ARID3B: variants seen among roughly 807,000 people sequenced by gnomAD.
ARID3B encodes AT-rich interaction domain 3B.
In ARID3B, 10 loss-of-function variants were observed where a neutral mutation model predicts 51.9. That is an observed-to-expected ratio of 0.19 (90% CI 0.12 to 0.33). The LOEUF is 0.33. Ranked by LOEUF, ARID3B falls within the 10% of genes least tolerant of loss-of-function variation. The pLI, the probability that ARID3B is intolerant of heterozygous loss-of-function variation, is 1.00. For synonymous variants in ARID3B, 205 were observed against 279.5 expected (o/e 0.73, Z 2.66); for missense variants, 483 against 716.3 (o/e 0.67, Z 3.72).
At chr15:74,545,247 A>G (rs567122021) in intron 2 of ARID3B, among the ~76,000 whole-genome samples, 113 of 152,366 alleles carry the variant, frequency 7.4e-4, no homozygotes, top group Non-Finnish European at 1.3e-3. Context: ...AACACAGCTG[A>G]CAAGAAGCAC....
chr15:74,544,419 T>C lies in ARID3B; in HGVS notation c.483T>C (p.Ala161=). The C allele has an allele frequency of 6.2e-7, 1 of 1,614,164 alleles. No individual in the cohort carries two copies. The highest frequency in any genetic ancestry group is 1.3e-5 in the African/African-American group (1 of 75,056). The change falls in exon 2 of 9, where the codon GCT becomes GCC. Residue 161 remains alanine, a synonymous_variant. Transcript: ENST00000346246. ...CTAAAGAAGACCATACCAAAGATGC[T>C]TCCAAGGCCTCACCTTCTGTCTCCA... ...QQAKEDHTKD[A]SKASPSVSTA... is the part of the protein sequence containing the mutation.
chr15:74,561,970 A>AT (rs1426453144), intron 2 of ARID3B, among the ~76,000 whole-genome samples: 1 of 148,942 alleles, frequency 6.7e-6, no homozygotes, highest in Admixed American at 6.8e-5. Flanking sequence ...AGGCTAATAT[A>AT]TGTGTTCTGA....
Position 74,591,928 on chromosome 15 carries a change from C to T in ARID3B, c.1420+114C>T. ...GCACATACTCCTGACCTGGAAGAGGCCCCTCCAGGTTCTGCCTTCCAGGCC... is the reference window on the plus strand; with the variant it reads ...GCACATACTCCTGACCTGGAAGAGGTCCCTCCAGGTTCTGCCTTCCAGGCC... On this transcript the variant is annotated intron_variant, in intron 7 of 8. Transcript: ENST00000346246. The surrounding 1 kb of genome is among the most constrained non-coding windows in gnomAD (Gnocchi z 5.8). 2 of 1,477,202 alleles carry T rather than the reference C, an allele frequency of 1.4e-6. No individual in the cohort carries two copies. Among genetic ancestry groups the T allele is most frequent in the Non-Finnish European group, 1.8e-6 (2 of 1,102,072 alleles). The allele number at this position is 1,477,202 out of a possible 1,614,324, so 91.5% of individuals were successfully genotyped here.
intron 2 of ARID3B, among the ~76,000 whole-genome samples, chr15:74,557,587 G>C (rs942099956): frequency 6.6e-6 from 1 of 151,994 alleles, no homozygotes; most frequent in African/African-American, 2.4e-5. Flanking sequence ...GAGAAATCTA[G>C]TGTCAGTCTG....
intron 8 of ARID3B, among the ~76,000 whole-genome samples, chr15:74,595,205 A>T (rs558762855): frequency 1.6e-4 from 25 of 151,840 alleles, no homozygotes; most frequent in East Asian, 1.2e-3. Flanking sequence ...AGCTAATTTT[A>T]AAAAAAATTT....
Position 74,595,816 on chromosome 15 carries a change from A to T in ARID3B, c.*42A>T, listed in dbSNP as rs764249995. ...TCCCACTTGCCACTCTCCTGTCGAGAGTGAAGGAAGTTGATGCACAGAATT... is the reference window on the plus strand; with the variant it reads ...TCCCACTTGCCACTCTCCTGTCGAGTGTGAAGGAAGTTGATGCACAGAATT... On this transcript the variant is annotated 3_prime_UTR_variant, in exon 9 of 9. Coordinates refer to ENST00000346246, the MANE Select transcript of ARID3B (RefSeq NM_006465.4). 6.4e-7 allele frequency: 1 copy of T among 1,565,768 alleles called. No homozygotes were observed. The highest frequency in any genetic ancestry group is 1.4e-5 in the African/African-American group (1 of 72,942).
At chr15:74,563,785 G>A (rs2061687616) in intron 2 of ARID3B, among the ~76,000 whole-genome samples, 2 of 152,124 alleles carry the variant, frequency 1.3e-5, no homozygotes, top group Non-Finnish European at 2.9e-5. Flanking sequence ...ACTTGGCTGG[G>A]CCAGTTCATG....
intron 2 of ARID3B, among the ~76,000 whole-genome samples, chr15:74,569,374 A>T (rs551616675): frequency 6.6e-6 from 1 of 151,662 alleles, no homozygotes; most frequent in Non-Finnish European, 1.5e-5. Context: ...TTTGGTAGAG[A>T]TGGAGTCTCC....
At chr15:74,577,547 G>T (rs554186432) in intron 4 of ARID3B, among the ~76,000 whole-genome samples, 64 of 152,158 alleles carry the variant, frequency 4.2e-4, no homozygotes, top group Middle Eastern at 3.4e-3. Context: ...TTGAGACAGG[G>T]TCTCACTCTA....
At chr15:74,552,934 A>T (rs181142026) in intron 2 of ARID3B, among the ~76,000 whole-genome samples, 1 of 152,228 alleles carries the variant, frequency 6.6e-6, no homozygotes, top group Non-Finnish European at 1.5e-5. Context: ...GTTTCAGTTT[A>T]TCTGGGTAAA....
At chr15:74,581,617 T>C (rs975606938) in intron 4 of ARID3B, among the ~76,000 whole-genome samples, 2 of 152,206 alleles carry the variant, frequency 1.3e-5, no homozygotes, top group African/African-American at 4.8e-5. Flanking sequence ...ACCCAGCTGC[T>C]GTTAAAAAAA....
chr15:74,548,005 T>C (rs1281951573), intron 2 of ARID3B, among the ~76,000 whole-genome samples: 3 of 152,198 alleles, frequency 2.0e-5, no homozygotes, highest in African/African-American at 7.2e-5. Context: ...TTAGAAAATA[T>C]TTGCTTCTCA....
intron 2 of ARID3B, among the ~76,000 whole-genome samples, chr15:74,567,582 C>T (rs1300490214): frequency 6.6e-6 from 1 of 152,148 alleles, no homozygotes; most frequent in African/African-American, 2.4e-5. Context: ...CTCATCCACC[C>T]TGTCTCATGT....
At chr15:74,575,990 G>A (rs990322714) in intron 4 of ARID3B, among the ~76,000 whole-genome samples, 5 of 152,170 alleles carry the variant, frequency 3.3e-5, no homozygotes, top group Admixed American at 1.3e-4. Flanking sequence ...TCAAAGTGCT[G>A]AGCTGAAGCC....
chr15:74,553,755 T>C (rs986499143), intron 2 of ARID3B, among the ~76,000 whole-genome samples: 3 of 152,096 alleles, frequency 2.0e-5, no homozygotes, highest in African/African-American at 7.2e-5. Flanking sequence ...GGATTAGTGA[T>C]ACATTTGGAT....
chr15:74,544,772 C>G (rs2061609450), intron 2 of ARID3B, among the ~76,000 whole-genome samples: 1 of 150,082 alleles, frequency 6.7e-6, no homozygotes, highest in South Asian at 2.1e-4. Flanking sequence ...CTCACTGCAA[C>G]CTCCATCTCC....
At chr15:74,570,636 A>T (rs1162188973) in intron 2 of ARID3B, among the ~76,000 whole-genome samples, 1 of 152,202 alleles carries the variant, frequency 6.6e-6, no homozygotes, top group Non-Finnish European at 1.5e-5. Context: ...ATGATCCCCC[A>T]TTAAATGTCT....
chr15:74,597,790 C>G lies in ARID3B; in HGVS notation c.*2016C>G. ...CTCTCCCTTTCCCCAGGCAGCTCGCCTGGCCACACCGTTGGAGTGAACCCT... is the reference window on the plus strand; with the variant it reads ...CTCTCCCTTTCCCCAGGCAGCTCGCGTGGCCACACCGTTGGAGTGAACCCT... On this transcript the variant is annotated 3_prime_UTR_variant, in exon 9 of 9. Transcript: ENST00000346246. The G allele has an allele frequency of 2.2e-6, 1 of 460,934 alleles. No individual in the cohort carries two copies. Among genetic ancestry groups the G allele is most frequent in the Non-Finnish European group, 4.2e-6 (1 of 239,300 alleles). The allele number at this position is 460,934 out of a possible 1,614,324, so 28.6% of individuals were successfully genotyped here.
chr15:74,567,124 G>C (rs2061702230), intron 2 of ARID3B, among the ~76,000 whole-genome samples: 1 of 152,080 alleles, frequency 6.6e-6, no homozygotes, highest in Non-Finnish European at 1.5e-5. Context: ...TCACAGTTCA[G>C]AGTTTAAATT....
Sources: gnomAD v4.1 joint callset for allele counts (sites outside exome capture counted in the v4.1 genomes callset) on GRCh38, gnomAD v4.1.1 for gene constraint, Gnocchi (gnomAD v3.1) non-coding constraint, MANE v1.5 for transcripts, NCBI Gene and HGNC (gene_info 2026-07-23, HGNC 2026-07-21) for gene names.